LAMA5: variants seen among roughly 807,000 people sequenced by gnomAD.
The protein encoded by LAMA5 is laminin subunit alpha-5.
In LAMA5, 260 loss-of-function variants were observed where a neutral mutation model predicts 433.4. The ratio of observed to expected loss-of-function variants is 0.60; its 90% CI spans 0.54 to 0.66. The LOEUF (loss-of-function observed/expected upper bound fraction) is 0.66, where lower values mean the gene tolerates loss of function less well. Ranked by LOEUF, LAMA5 falls within the 30% of genes least tolerant of loss-of-function variation. LAMA5 has a pLI of 0.00. For missense variants in LAMA5, 5,378 were observed against 5,258.5 expected (o/e 1.02, Z -0.70); for synonymous variants, 2,620 against 2,226.6 (o/e 1.18, Z -4.97).
rs1980695491 is a variant in LAMA5 at position 62,332,620 on chromosome 20, G to A, written c.3380C>T (p.Ala1127Val). ...GGGGGCCCGCTGTGGGGTGTGCACG[G>A]CCACGCCCACCTCCTGGCGGGCATC... ...NEDARQEVGVAVHTPQRAPQQ... is the reference protein window; with the variant it reads ...NEDARQEVGVVVHTPQRAPQQ... Residue 1127 changes from alanine to valine, a missense_variant, in exon 27 of 80, where the codon GCC (alanine) becomes GTC (valine). Ala to Val is a moderately conservative substitution (Grantham distance 64). Transcript: ENST00000252999. 10 of 1,605,518 alleles carry A rather than the reference G, an allele frequency of 6.2e-6. No individual in the cohort carries two copies. The highest frequency in any genetic ancestry group is 2.2e-5 in the East Asian group (1 of 44,660).
At position 62,335,283 on chromosome 20, in the gene LAMA5, G is replaced by C; in HGVS notation, c.2324-14C>G. ...CGCAGCTGCAGCCTGGGGAGAGCAG[G>C]GCAGGACTCAGATGCTTGGTGGGGC... On this transcript the variant is annotated splice_polypyrimidine_tract_variant and intron_variant, in intron 18 of 79. Coordinates refer to ENST00000252999, the MANE Select transcript of LAMA5 (RefSeq NM_005560.6). 6.2e-7 allele frequency: 1 copy of C among 1,611,674 alleles called. No homozygotes were observed. The highest frequency in any genetic ancestry group is 1.1e-5 in the South Asian group (1 of 91,016).
In LAMA5 at chr20:62,333,498, G is replaced by T. The variant is rs1443473819; in HGVS notation, c.3022-17C>A. 6.2e-7 allele frequency: 1 copy of T among 1,605,046 alleles called. No individual in the cohort carries two copies. ...CACGTAGTCCTGCAGGGTGGAGGTG[G>T]TGCTGAGAGTGGTGGGCCCCACCCC... On this transcript the variant is annotated splice_polypyrimidine_tract_variant and intron_variant, in intron 24 of 79. Transcript: ENST00000252999.
chr20:62,365,433 A>C (rs949494014), intron 1 of LAMA5, among the ~76,000 whole-genome samples: 8 of 152,196 alleles, frequency 5.3e-5, no homozygotes, highest in Non-Finnish European at 1.2e-4. Context: ...GACGGGGGTA[A>C]TAAGCCCCCA....
intron 2 of LAMA5, among the ~76,000 whole-genome samples, chr20:62,357,181 A>ACCAGGG: frequency 6.6e-6 from 1 of 152,098 alleles, no homozygotes; most frequent in Non-Finnish European, 1.5e-5. Flanking sequence ...GGTTGGGGAG[A>ACCAGGG]CCAGGGCCAG....
chr20:62,334,033 T>C lies in LAMA5; in HGVS notation c.2746A>G (p.Ile916Val). The C allele has an allele frequency of 1.9e-6, 3 of 1,612,210 alleles. No individual in the cohort carries two copies. ...GAGGTCAGGTTCAGCCTGGCCACGATCCTGGGCTGGGTGGGCATGGAGCGT... is the reference window on the plus strand; with the variant it reads ...GAGGTCAGGTTCAGCCTGGCCACGACCCTGGGCTGGGTGGGCATGGAGCGT... ...YAQMAPVQPR[I>V]VARLNLTSPD... Residue 916 changes from isoleucine (I) to valine (V), a missense_variant, in exon 23 of 80, where the codon ATC (isoleucine) becomes GTC (valine). Ile to Val is a conservative substitution (Grantham distance 29, BLOSUM62 3). Transcript: ENST00000252999.
At chr20:62,312,358 A>G (rs1022051037) in intron 68 of LAMA5, 42 bp from the exon 69 acceptor site, 1 of 1,601,544 alleles carries the variant, frequency 6.2e-7, no homozygotes, top group South Asian at 1.1e-5. Context: ...GTGCCCCTGC[A>G]TGTCCACAGA....
chr20:62,326,636 G>T, intron 40 of LAMA5, 41 bp downstream of exon 40: 1 of 1,520,204 alleles, frequency 6.6e-7, no homozygotes, highest in Non-Finnish European at 9.1e-7. Context: ...GATGAGCTGA[G>T]GTCCATGAGG....
intron 1 of LAMA5, among the ~76,000 whole-genome samples, chr20:62,363,708 G>A (rs537703753): frequency 6.2e-4 from 94 of 151,958 alleles, no homozygotes; most frequent in African/African-American, 2.1e-3. Context: ...GCCCTACCCC[G>A]CCCAGCCTCC....
At position 62,335,122 on chromosome 20, in the gene LAMA5, G is replaced by A. The variant is rs1367477203; in HGVS notation, c.2381C>T (p.Thr794Ile). The A allele has an allele frequency of 4.3e-6, 7 of 1,612,914 alleles. No individual in the cohort carries two copies. In the South Asian group the frequency reaches 5.5e-5, roughly 13 times the overall value. Residue 794 changes from threonine to isoleucine, a missense_variant, in exon 20 of 80, where the codon ACC becomes ATC. Coordinates refer to ENST00000252999, the MANE Select transcript of LAMA5 (RefSeq NM_005560.6). ...GTGGGGCTTGCAGAAGCACTGGCCG[G>A]TGCCCTGGGGGCCAAGGGAGGAGGT... ...LGGVAECQPGTGQCFCKPHVC... is the reference protein window; with the variant it reads ...LGGVAECQPGIGQCFCKPHVC...
rs772299812 is a variant in LAMA5, at chr20:62,315,194, C to G, written c.7881G>C (p.Lys2627Asn). ...CCACAGCCTTGGCATGTGCGATCTTCTTGCTTGTCTCGTCTGTGGTGGGCA... is the reference window on the plus strand; with the variant it reads ...CCACAGCCTTGGCATGTGCGATCTTGTTGCTTGTCTCGTCTGTGGTGGGCA... Reference protein sequence around the residue: ...MLAMDTDETSKKIAHAKAVAA... With the variant: ...MLAMDTDETSNKIAHAKAVAA... Residue 2627 changes from lysine to asparagine, a missense_variant, in exon 59 of 80, where the codon AAG (lysine) becomes AAC (asparagine). Coordinates refer to ENST00000252999, the MANE Select transcript of LAMA5 (RefSeq NM_005560.6). 1.9e-6 allele frequency: 3 copies of G among 1,607,926 alleles called. No homozygotes were observed. Among genetic ancestry groups the G allele is most frequent in the Non-Finnish European group, 2.5e-6 (3 of 1,177,580 alleles).
In LAMA5 at chr20:62,327,923, G is replaced by T; in HGVS notation, c.4740C>A (p.His1580Gln). The change falls in exon 36 of 80, where the codon CAC (histidine) becomes CAA (glutamine). Residue 1580 changes from histidine to glutamine, a missense_variant. Coordinates refer to ENST00000252999, the MANE Select transcript of LAMA5 (RefSeq NM_005560.6). The stretch of plus-strand genomic sequence containing the variant: ...ACACGCCAGGCGCAGTGCCCGCCTC[G>T]TGACAGTCACAGGGGCGGCAGCGGG... ...GYPRCRPCDC[H>Q]EAGTAPGVCD... 1.2e-6 allele frequency: 2 copies of T among 1,612,422 alleles called. No homozygotes were observed. Among genetic ancestry groups the T allele is most frequent in the Middle Eastern group, 1.7e-4 (1 of 6,054 alleles).
intron 2 of LAMA5, among the ~76,000 whole-genome samples, chr20:62,358,149 G>A (rs1985512968): frequency 6.6e-6 from 1 of 152,182 alleles, no homozygotes; most frequent in South Asian, 2.1e-4. Context: ...TGCCAGGTCT[G>A]GCCGTGCAGC....
chr20:62,335,018 C>T lies in LAMA5; in HGVS notation c.2482+3G>A. On this transcript the variant is annotated splice_donor_region_variant and intron_variant, in intron 20 of 79. Coordinates refer to ENST00000252999, the MANE Select transcript of LAMA5 (RefSeq NM_005560.6). ...GGTCTGGGACGAGCGAGTGGGCACTCACTGCGGCAGCCAAAATAGTCAGCC... is the reference window on the plus strand; with the variant it reads ...GGTCTGGGACGAGCGAGTGGGCACTTACTGCGGCAGCCAAAATAGTCAGCC... 1.9e-6 allele frequency: 3 copies of T among 1,612,208 alleles called. No individual in the cohort carries two copies. The highest frequency in any genetic ancestry group is 1.7e-4 in the Middle Eastern group (1 of 6,058).
In LAMA5 at chr20:62,362,509, G is replaced by T; in HGVS notation, c.341C>A (p.Ala114Glu). The T allele has an allele frequency of 6.2e-7, 1 of 1,603,106 alleles. No homozygotes were observed. Residue 114 changes from alanine (A) to glutamate (E), a missense_variant, in exon 2 of 80, where the codon GCA becomes GAA. Physicochemically the swap from Ala to Glu is moderately radical, Grantham distance 107. Coordinates refer to ENST00000252999, the MANE Select transcript of LAMA5 (RefSeq NM_005560.6). ...DICTAANSNK[A>E]HPASNAIDGT... ...ATCGATGGCATTGCTCGCGGGGTGT[G>T]CCTTGTTGCTGTTGGCAGCCGTGCA... is the stretch of plus-strand genomic sequence containing the variant.
In LAMA5 at chr20:62,338,545, C is replaced by T. The variant is rs181980340; in HGVS notation, c.1541G>A (p.Arg514His). ...NACRKDPRVG[R>H]CLCKPNFQGT... ...TTGGAAGTTGGGTTTGCACAGACAGCGTCCCACCCTTGGGTCCTTCCGGCA... is the reference window on the plus strand; with the variant it reads ...TTGGAAGTTGGGTTTGCACAGACAGTGTCCCACCCTTGGGTCCTTCCGGCA... The change falls in exon 12 of 80, where the codon CGC becomes CAC. Residue 514 changes from arginine to histidine, a missense_variant. Coordinates refer to ENST00000252999, the MANE Select transcript of LAMA5 (RefSeq NM_005560.6). 334 of 1,610,734 alleles carry T rather than the reference C, an allele frequency of 2.1e-4. 4 individuals are homozygous for T. In the East Asian group the frequency reaches 6.3e-3, roughly 30 times the overall value.
chr20:62,337,518 A>C, intron 16 of LAMA5, 72 bp downstream of exon 16: 1 of 1,537,820 alleles, frequency 6.5e-7, no homozygotes, highest in Non-Finnish European at 8.8e-7. Flanking sequence ...ACAGGAAGGC[A>C]GGCAGCGTGT....
chr20:62,337,019 C>T (rs758519161), intron 16 of LAMA5: 22 of 676,158 alleles, frequency 3.3e-5, no homozygotes, highest in South Asian at 3.0e-4. Context: ...ACGTGCACCG[C>T]GTGGGGTACC....
In LAMA5 at chr20:62,317,752, G is replaced by A. The variant is rs770252991; in HGVS notation, c.7266C>T (p.Asp2422=). The A allele has an allele frequency of 6.2e-7, 1 of 1,604,982 alleles. No individual in the cohort carries two copies. Among genetic ancestry groups the A allele is most frequent in the South Asian group, 1.1e-5 (1 of 90,102 alleles). Residue 2422 remains aspartate (D), a synonymous_variant, in exon 54 of 80, where the codon GAC becomes GAT. Transcript: ENST00000252999. The part of the protein sequence containing the change: ...ALQRKQELSR[D]NATLQATLHA... ...GCAGAGTGGCCTGCAGGGTGGCATT[G>A]TCCCGGGACAGCTCCTGCTTCCTTT...
chr20:62,310,511 G>GC lies in LAMA5; in HGVS notation c.10507dup (p.Ala3503GlyfsTer40). The GC allele has an allele frequency of 6.4e-7, 1 of 1,555,058 alleles. No individual in the cohort carries two copies. Among genetic ancestry groups the GC allele is most frequent in the South Asian group, 1.2e-5 (1 of 80,088 alleles). On this transcript the variant is annotated frameshift_variant, in exon 76 of 80. Transcript: ENST00000252999. LOFTEE classifies it high-confidence loss of function. ...TGTGACCCCTGCCATCCGTGTGGGG[G>GC]CCCCCAGGGGCCTCCCGTGCAGCCT...
Sources: allele counts gnomAD v4.1 joint callset (sites outside exome capture counted in the v4.1 genomes callset), GRCh38; gene constraint gnomAD v4.1.1; transcripts MANE v1.5; gene names NCBI Gene and HGNC (gene_info 2026-07-23, HGNC 2026-07-21).